The following SLC15A5 variants were observed in gnomAD, a reference collection of about 807,000 sequenced individuals.
SLC15A5 encodes the protein solute carrier family 15 member 5, also known as Peptide/histidine transporter ENSP00000340402.
In SLC15A5, 58 loss-of-function variants were observed where a neutral mutation model predicts 56.1. That is an observed-to-expected ratio of 1.03 (90% CI 0.84 to 1.29). The LOEUF (loss-of-function observed/expected upper bound fraction) is 1.29, where lower values mean the gene tolerates loss of function less well. SLC15A5 is among the 50% of genes most tolerant of loss of function. The pLI is 0.00. For missense variants in SLC15A5, 681 were observed against 672.1 expected, an observed-to-expected ratio of 1.01 and a Z score of -0.15; for synonymous variants, 264 against 250.5, an observed-to-expected ratio of 1.05 and a Z score of -0.51.
At chr12:16,229,285 A>G (rs1321840744) in intron 5 of SLC15A5, among the ~76,000 whole-genome samples, 2 of 152,204 alleles carry the variant, frequency 1.3e-5, no homozygotes, top group South Asian at 4.1e-4. Flanking sequence ...TTGCCTTGCT[A>G]CTTTCTACTG....
At chr12:16,205,584 TATATATAC>T (rs1565657591) in intron 7 of SLC15A5, among the ~76,000 whole-genome samples, 577 of 11,246 alleles carry the variant, frequency 0.051, 12 homozygotes, top group Non-Finnish European at 0.071. Context: ...AAGGTGCATA[TATATATAC>T]ATATACACAC....
chr12:16,244,328 T>C (rs1210980350), intron 4 of SLC15A5, among the ~76,000 whole-genome samples: 1 of 152,226 alleles, frequency 6.6e-6, no homozygotes, highest in Non-Finnish European at 1.5e-5. Context: ...TCTGAAGTAC[T>C]GTCTGCACCT....
chr12:16,277,391 A>G lies in SLC15A5; in HGVS notation c.295T>C (p.Trp99Arg). The change falls in exon 1 of 9, where the codon TGG becomes CGG. Residue 99 changes from tryptophan to arginine, a missense_variant. Coordinates refer to ENST00000344941, the MANE Select transcript of SLC15A5 (RefSeq NM_001170798.1). ...CTTCCTAAATAGACATCAGTGAGCCATCTGACAAACACAGGGGTAAGTATT... is the reference window on the plus strand; with the variant it reads ...CTTCCTAAATAGACATCAGTGAGCCGTCTGACAAACACAGGGGTAAGTATT... ...TSILTPVFVR[W>R]LTDVYLGRNK... 2 of 1,536,414 alleles carry G rather than the reference A, an allele frequency of 1.3e-6. No individual in the cohort carries two copies. The highest frequency in any genetic ancestry group is 2.4e-5 in the East Asian group (1 of 40,900).
chr12:16,199,772 G>A (rs1863934324), intron 7 of SLC15A5, among the ~76,000 whole-genome samples: 1 of 151,910 alleles, frequency 6.6e-6, no homozygotes, highest in Non-Finnish European at 1.5e-5. Flanking sequence ...AGAAGTAATG[G>A]GAATAAGACA....
chr12:16,200,266 C>T (rs942785178), intron 7 of SLC15A5, among the ~76,000 whole-genome samples: 6 of 151,202 alleles, frequency 4.0e-5, no homozygotes, highest in Admixed American at 2.6e-4. Flanking sequence ...GTACTAATCT[C>T]AGCAAAGTTG....
At chr12:16,264,948 T>G (rs895114037) in intron 2 of SLC15A5, among the ~76,000 whole-genome samples, 1 of 152,136 alleles carries the variant, frequency 6.6e-6, no homozygotes, top group Admixed American at 6.5e-5. Context: ...AGTGGACTAA[T>G]ACAGTGATTA....
Position 16,277,616 on chromosome 12 carries a change from T to C in SLC15A5, c.70A>G (p.Thr24Ala). 1 of 1,536,256 alleles carries C rather than the reference T, an allele frequency of 6.5e-7. No individual in the cohort carries two copies. The highest frequency in any genetic ancestry group is 1.4e-5 in the African/African-American group (1 of 73,060). Residue 24 changes from threonine to alanine, a missense_variant, in exon 1 of 9, where the codon ACT becomes GCT. Transcript: ENST00000344941. ...CACAAATCGCCAATATGTCTTACAG[T>C]TTTCTCCTTCTCAATGCTGTGATAT... ...HLYHSIEKEKTVRHIGDLCSS... is the reference protein window; with the variant it reads ...HLYHSIEKEKAVRHIGDLCSS...
intron 5 of SLC15A5, among the ~76,000 whole-genome samples, chr12:16,238,826 G>A (rs1162764239): frequency 6.6e-6 from 1 of 152,076 alleles, no homozygotes; most frequent in Non-Finnish European, 1.5e-5. Flanking sequence ...TGTGTCCCCT[G>A]CACATAATGA....
intron 5 of SLC15A5, among the ~76,000 whole-genome samples, chr12:16,232,875 C>G (rs1338836418): frequency 1.3e-5 from 2 of 151,106 alleles, no homozygotes; most frequent in African/African-American, 4.9e-5. Flanking sequence ...AAGATCATGC[C>G]ACTGCACTTT....
chr12:16,191,736 C>T (rs1383904805), intron 8 of SLC15A5, among the ~76,000 whole-genome samples: 3 of 152,108 alleles, frequency 2.0e-5, no homozygotes, highest in African/African-American at 2.4e-5. Context: ...CTTAACTCTT[C>T]TGACTTGGCC....
intron 7 of SLC15A5, among the ~76,000 whole-genome samples, chr12:16,214,790 G>T (rs1289926778): frequency 3.9e-5 from 6 of 152,094 alleles, no homozygotes; most frequent in Non-Finnish European, 8.8e-5. Context: ...TAAGTTCTGT[G>T]AATTTTTCTA....
chr12:16,209,394 T>C (rs568785530), intron 7 of SLC15A5, among the ~76,000 whole-genome samples: 1 of 152,212 alleles, frequency 6.6e-6, no homozygotes, highest in African/African-American at 2.4e-5. Context: ...GGCTCCTTTT[T>C]CTCCTCATTC....
chr12:16,223,339 A>G (rs2136249067), intron 6 of SLC15A5, among the ~76,000 whole-genome samples: 1 of 152,296 alleles, frequency 6.6e-6, no homozygotes, highest in Non-Finnish European at 1.5e-5. Flanking sequence ...TCCATAAAAT[A>G]TAATGGGAGC....
intron 1 of SLC15A5, among the ~76,000 whole-genome samples, chr12:16,273,989 A>G (rs1864790189): frequency 2.7e-5 from 4 of 150,712 alleles, no homozygotes; most frequent in Non-Finnish European, 5.9e-5. Context: ...TTTTACTTAA[A>G]TAAATTGAGG....
intron 1 of SLC15A5, among the ~76,000 whole-genome samples, chr12:16,274,301 A>T (rs967662608): frequency 6.6e-6 from 1 of 152,094 alleles, no homozygotes; most frequent in African/African-American, 2.4e-5. Context: ...GTATGAGAAG[A>T]TCTTCATTCA....
rs375608774 is a variant in SLC15A5 at position 16,244,682 on chromosome 12, A to G, written c.873T>C (p.Asn291=). The change falls in exon 4 of 9, where the codon AAT becomes AAC. Residue 291 remains asparagine, a synonymous_variant. Transcript: ENST00000344941. ...CATGGAGCTCACTGTAGCAGCCACC[A>G]TTTTTTTCTTTGGCATGGTCTAACT... is the stretch of plus-strand genomic sequence containing the variant. ...TSQLDHAKEK[N]GGCYSELHVE... is the part of the protein sequence containing the mutation. 3 of 1,537,240 alleles carry G rather than the reference A, an allele frequency of 2.0e-6. No homozygotes were observed. Among genetic ancestry groups the G allele is most frequent in the Non-Finnish European group, 2.6e-6 (3 of 1,146,960 alleles).
intron 7 of SLC15A5, among the ~76,000 whole-genome samples, chr12:16,198,477 G>C (rs1863917642): frequency 6.6e-6 from 1 of 152,148 alleles, no homozygotes; most frequent in African/African-American, 2.4e-5. Context: ...AAGGAACAGA[G>C]AGGTCAAGTG....
intron 8 of SLC15A5, among the ~76,000 whole-genome samples, chr12:16,194,012 A>C (rs79154974): frequency 0.044 from 6,652 of 152,046 alleles, 200 homozygotes; most frequent in African/African-American, 0.07. Flanking sequence ...ATTTCTAGCT[A>C]TTTGTTTAAT....
At chr12:16,191,616 T>A (rs901785556) in intron 8 of SLC15A5, among the ~76,000 whole-genome samples, 13 of 152,156 alleles carry the variant, frequency 8.5e-5, no homozygotes, top group African/African-American at 2.9e-4. Flanking sequence ...TTTGCATGCT[T>A]ATTGTTCATT....
Sources: allele counts gnomAD v4.1 joint callset (sites outside exome capture counted in the v4.1 genomes callset), GRCh38; gene constraint gnomAD v4.1.1; transcripts MANE v1.5; gene names NCBI Gene and HGNC (gene_info 2026-07-23, HGNC 2026-07-21).